AGBL1: variants seen among roughly 807,000 people sequenced by gnomAD.
AGBL1 encodes the protein AGBL carboxypeptidase 1.
Under a neutral mutation model 118.9 loss-of-function variants are expected in AGBL1, and 130 were observed. That is an observed-to-expected ratio of 1.09 (90% CI 0.95 to 1.26). The LOEUF (loss-of-function observed/expected upper bound fraction) is 1.26. AGBL1 is among the 50% of genes most tolerant of loss of function. The pLI, the probability that AGBL1 is intolerant of heterozygous loss-of-function variation, is 0.00. For synonymous variants in AGBL1, 555 were observed against 478.9 expected (o/e 1.16, Z -2.08); for missense variants, 1,584 against 1,298.1 (o/e 1.22, Z -3.38).
intron 22 of AGBL1, among the ~76,000 whole-genome samples, chr15:86,727,583 C>T (rs548549920): frequency 6.6e-6 from 1 of 152,240 alleles, no homozygotes; most frequent in East Asian, 1.9e-4. Context: ...CTTTCAGCTT[C>T]ATTATCTTTT....
At chr15:86,570,284 C>T (rs1489922598) in intron 21 of AGBL1, among the ~76,000 whole-genome samples, 1 of 152,182 alleles carries the variant, frequency 6.6e-6, no homozygotes, top group Non-Finnish European at 1.5e-5. Flanking sequence ...CAGCTATTGT[C>T]CAGGCTCTTG....
intron 1 of AGBL1, among the ~76,000 whole-genome samples, chr15:86,085,719 G>GAA (rs1895601741): frequency 6.6e-6 from 1 of 152,204 alleles, no homozygotes; most frequent in Non-Finnish European, 1.5e-5. Context: ...AGGAAGGGCT[G>GAA]GGATGAACTG....
At chr15:86,675,622 G>T (rs919059603) in intron 22 of AGBL1, among the ~76,000 whole-genome samples, 1 of 152,114 alleles carries the variant, frequency 6.6e-6, no homozygotes. Context: ...GTGTCTGAAG[G>T]CTTCGTGTGT....
intron 24 of AGBL1, among the ~76,000 whole-genome samples, chr15:87,022,123 GTGGGACAAAAGAATCTGAA>G (rs1212923745): frequency 6.6e-6 from 1 of 152,096 alleles, no homozygotes; most frequent in Non-Finnish European, 1.5e-5. Flanking sequence ...GGAACACACT[GTGGGACAAAAGAATCTGAA>G]TGGGACAAAA....
chr15:86,928,956 A>C (rs1006329147), intron 23 of AGBL1, among the ~76,000 whole-genome samples: 1 of 152,210 alleles, frequency 6.6e-6, no homozygotes, highest in African/African-American at 2.4e-5. Context: ...AGTGTCATAC[A>C]CATTGTTTTG....
chr15:86,872,647 T>G (rs2141508854), intron 22 of AGBL1, among the ~76,000 whole-genome samples: 1 of 152,172 alleles, frequency 6.6e-6, no homozygotes, highest in East Asian at 1.9e-4. Context: ...TCCCAGCTAC[T>G]CAGGAGGCTG....
At chr15:86,479,545 A>T (rs1386080728) in intron 18 of AGBL1, among the ~76,000 whole-genome samples, 2 of 152,212 alleles carry the variant, frequency 1.3e-5, no homozygotes, top group Admixed American at 6.5e-5. Context: ...ATCTCCCACC[A>T]GTTAGAATGG....
At chr15:86,100,830 G>T (rs959985802) in intron 1 of AGBL1, among the ~76,000 whole-genome samples, 2 of 151,718 alleles carry the variant, frequency 1.3e-5, no homozygotes, top group Non-Finnish European at 2.9e-5. Context: ...TTTTCATTTT[G>T]TTGACCCTTA....
At chr15:86,702,614 C>T (rs62031367) in intron 22 of AGBL1, among the ~76,000 whole-genome samples, 61,582 of 152,012 alleles carry the variant, frequency 0.41, 13,262 homozygotes, top group East Asian at 0.75. Context: ...AAATCCACTT[C>T]CTTCTTTCCA....
At chr15:86,635,654 C>T (rs187373032) in intron 21 of AGBL1, among the ~76,000 whole-genome samples, 1 of 151,814 alleles carries the variant, frequency 6.6e-6, no homozygotes, top group East Asian at 2.0e-4. Context: ...TTTTGTGGGG[C>T]CTTCATCTAA....
chr15:86,499,328 C>G (rs2082891428), intron 18 of AGBL1, among the ~76,000 whole-genome samples: 2 of 151,732 alleles, frequency 1.3e-5, no homozygotes, highest in African/African-American at 4.8e-5. Flanking sequence ...AGTGGGAGGC[C>G]TGGGGATTCT....
rs530436970 is a variant in AGBL1, at chr15:86,618,834, G to T, written c.2995-55439G>T. Reference sequence around the variant, plus strand: ...CCCTCCTCATTACAGACCCTCCGTGGATCCTGCTGTCTCAGGCACATCCCT... The same window carrying T: ...CCCTCCTCATTACAGACCCTCCGTGTATCCTGCTGTCTCAGGCACATCCCT... On this transcript the variant is annotated intron_variant, in intron 21 of 22. Coordinates refer to ENST00000614907, the MANE Select transcript of AGBL1 (RefSeq NM_001386094.1). Among the ~76,000 whole-genome samples, 4 of 152,144 alleles carry T rather than the reference G, an allele frequency of 2.6e-5. No individual in the cohort carries two copies. In the South Asian group the frequency reaches 6.2e-4, roughly 24 times the overall value.
At chr15:86,717,314 A>G (rs899683590) in intron 22 of AGBL1, among the ~76,000 whole-genome samples, 5 of 152,166 alleles carry the variant, frequency 3.3e-5, no homozygotes, top group Admixed American at 2.6e-4. Context: ...GGCAAAAGCA[A>G]TGGGCTAATA....
rs200805206 is a variant in AGBL1 at position 86,615,832 on chromosome 15, CTG to C, written c.2995-58439_2995-58438del. The stretch of plus-strand genomic sequence containing the variant: ...AAGCAGATGGAAACTCAGGGAAAGA[CTG>C]TTGTAAAATGAAAAATTAATTAATA... On this transcript the variant is annotated intron_variant, in intron 21 of 22. Coordinates refer to ENST00000614907, the MANE Select transcript of AGBL1 (RefSeq NM_001386094.1). The surrounding 1 kb of genome is among the most constrained non-coding windows in gnomAD (Gnocchi z 4.3). 1.8e-4 allele frequency among the ~76,000 whole-genome samples: 27 copies of C among 152,076 alleles called. No homozygotes were observed. In the East Asian group the frequency reaches 4.8e-3, roughly 27 times the overall value.
intron 18 of AGBL1, among the ~76,000 whole-genome samples, chr15:86,400,619 C>A (rs572586934): frequency 6.9e-6 from 1 of 143,950 alleles, no homozygotes; most frequent in East Asian, 2.2e-4. Flanking sequence ...CCAACTCTTC[C>A]CCCACAAGTC....
intron 1 of AGBL1, among the ~76,000 whole-genome samples, chr15:86,119,587 A>G (rs1470790401): frequency 6.6e-6 from 1 of 152,118 alleles, no homozygotes; most frequent in Non-Finnish European, 1.5e-5. Flanking sequence ...TTAAAACTAT[A>G]GGAACATGAT....
At chr15:86,941,804 A>G (rs2080755578) in intron 23 of AGBL1, among the ~76,000 whole-genome samples, 1 of 152,240 alleles carries the variant, frequency 6.6e-6, no homozygotes, top group Non-Finnish European at 1.5e-5. Context: ...CTGATGCAGG[A>G]GAACCATGCA....
chr15:86,617,760 GCA>G (rs5814253), intron 21 of AGBL1, among the ~76,000 whole-genome samples: 67,070 of 146,648 alleles, frequency 0.46, 16,040 homozygotes, highest in East Asian at 0.71. Context: ...AACTTTATGC[GCA>G]CACACACACA....
intron 21 of AGBL1, among the ~76,000 whole-genome samples, chr15:86,654,180 A>G (rs894575165): frequency 6.6e-6 from 1 of 152,128 alleles, no homozygotes; most frequent in Non-Finnish European, 1.5e-5. Context: ...AAAGGGGTAG[A>G]AAAAGGGAAA....
Sources: allele counts gnomAD v4.1 joint callset (sites outside exome capture counted in the v4.1 genomes callset), GRCh38; gene constraint gnomAD v4.1.1; non-coding constraint Gnocchi (gnomAD v3.1); transcripts MANE v1.5; gene names NCBI Gene and HGNC (gene_info 2026-07-23, HGNC 2026-07-21).